Variants in TMC7 observed in about 807,000 individuals in gnomAD.
TMC7 encodes transmembrane channel like 7.
TMC7 carries 54 observed loss-of-function variants against 82.9 expected under a neutral mutation model. The ratio of observed to expected loss-of-function variants is 0.65; its 90% CI spans 0.52 to 0.82. The LOEUF (loss-of-function observed/expected upper bound fraction) is 0.82. Among genes scored for constraint, TMC7 ranks in the 40% least tolerant of loss-of-function variants. The pLI is 0.00. For synonymous variants in TMC7, 350 were observed against 337.9 expected, an observed-to-expected ratio of 1.04 and a Z score of -0.39; for missense variants, 820 against 901.2, an observed-to-expected ratio of 0.91 and a Z score of 1.15.
At chr16:19,044,852 T>C in intron 9 of TMC7, 32 bp from the exon 10 acceptor site, 3 of 1,501,306 alleles carry the variant, frequency 2.0e-6, no homozygotes, top group Non-Finnish European at 2.7e-6. Context: ...GAGGGCCTCA[T>C]CTTCCCATCC....
intron 2 of TMC7, among the ~76,000 whole-genome samples, chr16:19,010,952 C>G (rs994533789): frequency 7.9e-5 from 12 of 152,256 alleles, no homozygotes; most frequent in Admixed American, 3.3e-4. Flanking sequence ...CTCAGCTTCC[C>G]TCCTACTGCA....
chr16:19,016,725 A>G, intron 3 of TMC7, 127 bp downstream of exon 3: 2 of 1,042,888 alleles, frequency 1.9e-6, no homozygotes, highest in Non-Finnish European at 2.7e-6. Context: ...TGTGAGCAAC[A>G]AACCACAGCA....
intron 1 of TMC7, among the ~76,000 whole-genome samples, chr16:19,008,316 A>G (rs941274928): frequency 2.0e-5 from 3 of 152,202 alleles, no homozygotes; most frequent in East Asian, 1.9e-4. Context: ...CTGGCCTGAT[A>G]TAGAAACGAT....
At chr16:19,008,904 GC>G (rs550668520) in intron 1 of TMC7, among the ~76,000 whole-genome samples, 54 of 152,288 alleles carry the variant, frequency 3.5e-4, no homozygotes, top group African/African-American at 1.3e-3. Flanking sequence ...CATGCTTTTA[GC>G]TAGTGTCTGT....
At chr16:19,055,502 C>A (rs778752391) in intron 13 of TMC7, among the ~76,000 whole-genome samples, 1 of 152,126 alleles carries the variant, frequency 6.6e-6, no homozygotes, top group South Asian at 2.1e-4. Flanking sequence ...GGATTGCAGG[C>A]GCCCACCACC....
At chr16:19,035,930 C>CCCCGA in intron 7 of TMC7, 107 bp downstream of exon 7, 2 of 1,317,388 alleles carry the variant, frequency 1.5e-6, no homozygotes, top group Non-Finnish European at 2.1e-6. Context: ...GACAGGTTGT[C>CCCCGA]CCTGGTACTT....
chr16:18,995,480 G>A (rs1393489691), intron 1 of TMC7, among the ~76,000 whole-genome samples: 2 of 152,182 alleles, frequency 1.3e-5, no homozygotes, highest in Non-Finnish European at 2.9e-5. Flanking sequence ...GCTGCCGGGC[G>A]AGTTGGACAG....
rs1195821267 is a variant in TMC7, at chr16:19,022,517, G to A, written c.629-596G>A. Among the ~76,000 whole-genome samples, 7 of 152,286 alleles carry A rather than the reference G, an allele frequency of 4.6e-5. No homozygotes were observed. The East Asian group carries it at 5.8e-4, about 13-fold the overall frequency. ...TAACATTGTGTTGCAGTTACCTACA[G>A]TATTCAGTGCAGTAATGTGCTGTCC... On this transcript the variant is annotated intron_variant, in intron 4 of 15. Coordinates refer to ENST00000304381, the MANE Select transcript of TMC7 (RefSeq NM_024847.4).
At chr16:19,013,219 T>A (rs372039685) in intron 2 of TMC7, among the ~76,000 whole-genome samples, 1 of 152,040 alleles carries the variant, frequency 6.6e-6, no homozygotes, top group African/African-American at 2.4e-5. Flanking sequence ...ATTATTATTA[T>A]TTTATTTATT....
At chr16:19,008,194 A>C (rs2039274633) in intron 1 of TMC7, among the ~76,000 whole-genome samples, 1 of 152,120 alleles carries the variant, frequency 6.6e-6, no homozygotes, top group African/African-American at 2.4e-5. Context: ...TCCTGCAACT[A>C]AAATCTGATC....
At chr16:18,984,889 A>G (rs1454627970) in intron 1 of TMC7, among the ~76,000 whole-genome samples, 1 of 152,218 alleles carries the variant, frequency 6.6e-6, no homozygotes, top group Non-Finnish European at 1.5e-5. Flanking sequence ...CTTGTCCTGA[A>G]CAAAACACAA....
intron 1 of TMC7, among the ~76,000 whole-genome samples, chr16:18,987,006 C>T (rs1012646604): frequency 6.6e-6 from 1 of 151,930 alleles, no homozygotes; most frequent in South Asian, 2.1e-4. Flanking sequence ...AGGGTTTCAC[C>T]GTCTTAGCCA....
At chr16:18,992,267 T>C (rs1017573329) in intron 1 of TMC7, among the ~76,000 whole-genome samples, 1 of 152,228 alleles carries the variant, frequency 6.6e-6, no homozygotes, top group African/African-American at 2.4e-5. Context: ...TGTTGTTTCC[T>C]GACTTTTTAA....
intron 2 of TMC7, among the ~76,000 whole-genome samples, chr16:19,014,423 G>A (rs1287745319): frequency 6.6e-6 from 1 of 152,154 alleles, no homozygotes; most frequent in East Asian, 1.9e-4. Context: ...TACAGATAAG[G>A]AACCCAATGC....
At chr16:19,039,194 C>T (rs1960898559) in intron 8 of TMC7, among the ~76,000 whole-genome samples, 1 of 150,390 alleles carries the variant, frequency 6.6e-6, no homozygotes, top group Non-Finnish European at 1.5e-5. Flanking sequence ...GGGTTCAAGT[C>T]ATTCTCCTGT....
chr16:19,035,928 G>T (rs539311556), intron 7 of TMC7, 105 bp downstream of exon 7: 1 of 1,346,360 alleles, frequency 7.4e-7, no homozygotes, highest in East Asian at 2.4e-5. Context: ...GGGACAGGTT[G>T]TCCCTGGTAC....
rs1256682912 is a variant in TMC7, at chr16:19,062,567, A to C, written c.*724A>C. 6.6e-6 allele frequency: 1 copy of C among 152,636 alleles called. No homozygotes were observed. Among genetic ancestry groups the C allele is most frequent in the African/African-American group, 2.4e-5 (1 of 41,460 alleles). 9.5% of individuals were successfully genotyped at this position (152,636 alleles called of 1,614,324 possible). A position where few individuals can be genotyped will look rare whatever the true frequency, so the allele number is the denominator to read the frequency against. The stretch of plus-strand genomic sequence containing the variant: ...CTTGAACCCAGGAGGTGGAGTTTGC[A>C]GTGAGCTGAGATCACACCATTGCAC... On this transcript the variant is annotated 3_prime_UTR_variant, in exon 16 of 16. Coordinates refer to ENST00000304381, the MANE Select transcript of TMC7 (RefSeq NM_024847.4).
intron 2 of TMC7, among the ~76,000 whole-genome samples, chr16:19,015,164 A>T (rs552922412): frequency 6.6e-6 from 1 of 151,846 alleles, no homozygotes; most frequent in East Asian, 1.9e-4. Flanking sequence ...GGGTTTCGCC[A>T]TGTTGGTCAG....
At chr16:18,992,390 G>A (rs925585978) in intron 1 of TMC7, among the ~76,000 whole-genome samples, 1 of 152,164 alleles carries the variant, frequency 6.6e-6, no homozygotes, top group African/African-American at 2.4e-5. Flanking sequence ...CTTCTTAAAT[G>A]TCTTCTTTTG....
Sources: gnomAD v4.1 joint callset for allele counts (sites outside exome capture counted in the v4.1 genomes callset) on GRCh38, gnomAD v4.1.1 for gene constraint, MANE v1.5 for transcripts, NCBI Gene and HGNC (gene_info 2026-07-23, HGNC 2026-07-21) for gene names.